The following CDH12 variants were observed in gnomAD, a reference collection of about 807,000 sequenced individuals.
The protein encoded by CDH12 is cadherin 12.
CDH12 carries 41 observed loss-of-function variants against 74.1 expected under a neutral mutation model. That is an observed-to-expected ratio of 0.55 (90% CI 0.43 to 0.72). CDH12 has a LOEUF of 0.72. CDH12 is among the 30% of genes least tolerant of loss of function. The probability of loss-of-function intolerance (pLI) is 0.00; values close to 1 mark genes in which losing one functional copy is unlikely to be tolerated. For synonymous variants in CDH12, 399 were observed against 355.0 expected, an observed-to-expected ratio of 1.12 and a Z score of -1.39; for missense variants, 945 against 977.2, an observed-to-expected ratio of 0.97 and a Z score of 0.44.
At chr5:22,297,847 A>G (rs1311752174) in intron 3 of CDH12, among the ~76,000 whole-genome samples, 1 of 152,050 alleles carries the variant, frequency 6.6e-6, no homozygotes, top group Admixed American at 6.6e-5. Flanking sequence ...GAAGGTGTTG[A>G]TGTATACATT....
chr5:21,930,187 G>A (rs1001223183), intron 6 of CDH12, among the ~76,000 whole-genome samples: 1 of 152,166 alleles, frequency 6.6e-6, no homozygotes, highest in African/African-American at 2.4e-5. Context: ...AAAGTGATTA[G>A]TGCTTATGTT....
intron 3 of CDH12, among the ~76,000 whole-genome samples, chr5:22,380,593 T>C (rs1336117016): frequency 6.6e-6 from 1 of 152,106 alleles, no homozygotes; most frequent in Non-Finnish European, 1.5e-5. Flanking sequence ...TGAGTAGGCA[T>C]ATATGTTAAA....
chr5:21,850,364 G>A (rs1214480118), intron 7 of CDH12, among the ~76,000 whole-genome samples: 2 of 151,282 alleles, frequency 1.3e-5, no homozygotes, highest in Non-Finnish European at 3.0e-5. Flanking sequence ...TGATGGGTAT[G>A]TTAATTTGTT....
intron 5 of CDH12, among the ~76,000 whole-genome samples, chr5:22,058,041 C>CTATG (rs1223185684): frequency 6.7e-6 from 1 of 149,158 alleles, no homozygotes; most frequent in South Asian, 2.1e-4. Context: ...ATCTATCTAT[C>CTATG]TATCATCTAT....
At chr5:22,311,202 G>T (rs1221042997) in intron 3 of CDH12, among the ~76,000 whole-genome samples, 1 of 152,164 alleles carries the variant, frequency 6.6e-6, no homozygotes, top group Non-Finnish European at 1.5e-5. Context: ...GAAGAGCATA[G>T]ATTCAAGTTG....
chr5:22,773,809 T>A (rs1003244572), intron 1 of CDH12, among the ~76,000 whole-genome samples: 5 of 151,866 alleles, frequency 3.3e-5, no homozygotes, highest in African/African-American at 4.8e-5. Context: ...AAAACATATA[T>A]AACCCTATTA....
chr5:22,498,166 G>T (rs1347330529), intron 2 of CDH12, among the ~76,000 whole-genome samples: 1 of 152,080 alleles, frequency 6.6e-6, no homozygotes, highest in African/African-American at 2.4e-5. Flanking sequence ...CATATTTTCA[G>T]AATTTGCAAA....
At chr5:21,796,795 C>G (rs943649814) in intron 10 of CDH12, among the ~76,000 whole-genome samples, 21 of 152,052 alleles carry the variant, frequency 1.4e-4, no homozygotes, top group Non-Finnish European at 2.9e-4. Context: ...CACTAATACT[C>G]AAAGTAAATA....
chr5:21,877,151 C>G (rs1212014751), intron 6 of CDH12, among the ~76,000 whole-genome samples: 3 of 151,946 alleles, frequency 2.0e-5, no homozygotes, highest in Non-Finnish European at 4.4e-5. Context: ...TGCAGTGATC[C>G]TAGATTGCAC....
intron 1 of CDH12, among the ~76,000 whole-genome samples, chr5:22,684,840 T>A (rs1428398158): frequency 6.6e-6 from 1 of 152,116 alleles, no homozygotes; most frequent in African/African-American, 2.4e-5. Flanking sequence ...TCAATCAGAA[T>A]CAGTACAAAA....
intron 1 of CDH12, among the ~76,000 whole-genome samples, chr5:22,828,461 C>T (rs1736437229): frequency 6.6e-6 from 1 of 152,064 alleles, no homozygotes; most frequent in South Asian, 2.1e-4. Flanking sequence ...ATCTACATAT[C>T]CAAGTTAAAG....
At chr5:22,106,174 T>C (rs771454960) in intron 4 of CDH12, among the ~76,000 whole-genome samples, 1 of 152,096 alleles carries the variant, frequency 6.6e-6, no homozygotes, top group Non-Finnish European at 1.5e-5. Flanking sequence ...AGGTAACTAT[T>C]GGGTACTGGG....
rs748449054 is a variant in CDH12 at position 22,789,631 on chromosome 5, A to C, written c.-523+63427T>G. Among the ~76,000 whole-genome samples, 64 of 152,064 alleles carry C rather than the reference A, an allele frequency of 4.2e-4. 1 individual carries two copies. Among genetic ancestry groups the C allele is most frequent in the Non-Finnish European group, 7.9e-4 (54 of 67,948 alleles). ...CACAAGTATTAATTTCATGCTTGAC[A>C]CAACTTTTCATAGGCTTTGTGATTT... On this transcript the variant is annotated intron_variant, in intron 1 of 14. Transcript: ENST00000382254.
At chr5:22,557,848 A>G (rs10077090) in intron 1 of CDH12, among the ~76,000 whole-genome samples, 24,236 of 152,074 alleles carry the variant, frequency 0.16, 2,512 homozygotes, top group East Asian at 0.37. Context: ...CTTTTCTTTC[A>G]GGAAACATAG....
Position 22,642,545 on chromosome 5 carries a change from C to T in CDH12, c.-522-137181G>A, listed in dbSNP as rs137942904. On this transcript the variant is annotated intron_variant, in intron 1 of 14. Coordinates refer to ENST00000382254, the MANE Select transcript of CDH12 (RefSeq NM_004061.5). ...AAAAGAATAAATTGTATTACACTTA[C>T]GGAGCCCAGTTAATCTTATGACTGA... Among the ~76,000 whole-genome samples, 449 of 152,182 alleles carry T rather than the reference C, an allele frequency of 3.0e-3. 3 individuals carry two copies. The highest frequency in any genetic ancestry group is 0.01 in the African/African-American group (423 of 41,512).
At chr5:21,763,447 G>A (rs1019051774) in intron 12 of CDH12, among the ~76,000 whole-genome samples, 10 of 152,060 alleles carry the variant, frequency 6.6e-5, no homozygotes, top group African/African-American at 2.4e-4. Flanking sequence ...CATGGAAATT[G>A]AAAAAGATAC....
chr5:22,269,690 C>T (rs928942042), intron 3 of CDH12, among the ~76,000 whole-genome samples: 2 of 152,144 alleles, frequency 1.3e-5, no homozygotes, highest in South Asian at 4.1e-4. Flanking sequence ...GAGTCCCCAT[C>T]CTTCACCTGA....
At chr5:22,783,372 C>T (rs1747475077) in intron 1 of CDH12, among the ~76,000 whole-genome samples, 2 of 152,084 alleles carry the variant, frequency 1.3e-5, no homozygotes, top group Admixed American at 1.3e-4. Flanking sequence ...TCAGTTCCCT[C>T]GACCTTTGCT....
intron 3 of CDH12, among the ~76,000 whole-genome samples, chr5:22,398,537 G>T (rs192818341): frequency 6.6e-6 from 1 of 152,184 alleles, no homozygotes; most frequent in East Asian, 1.9e-4. Flanking sequence ...ATTTCTTGGT[G>T]ATTTGACATG....
Sources: gnomAD v4.1 joint callset for allele counts (sites outside exome capture counted in the v4.1 genomes callset) on GRCh38, gnomAD v4.1.1 for gene constraint, MANE v1.5 for transcripts, NCBI Gene and HGNC (gene_info 2026-07-23, HGNC 2026-07-21) for gene names.